FNBP1L: variants seen among roughly 807,000 people sequenced by gnomAD.
FNBP1L encodes the protein formin-binding protein 1-like.
Under a neutral mutation model 91.2 loss-of-function variants are expected in FNBP1L, and 36 were observed. That is an observed-to-expected ratio of 0.39 (90% CI 0.30 to 0.52). The LOEUF (loss-of-function observed/expected upper bound fraction) is 0.52. Among genes scored for constraint, FNBP1L ranks in the 20% least tolerant of loss-of-function variants. The pLI, the probability that FNBP1L is intolerant of heterozygous loss-of-function variation, is 0.66. For missense variants in FNBP1L, 571 were observed against 732.1 expected, an observed-to-expected ratio of 0.78 and a Z score of 2.54; for synonymous variants, 242 against 237.0, an observed-to-expected ratio of 1.02 and a Z score of -0.19.
chr1:93,472,323 C>T (rs72961373), intron 1 of FNBP1L, among the ~76,000 whole-genome samples: 4,278 of 152,214 alleles, frequency 0.028, 187 homozygotes, highest in African/African-American at 0.095. Context: ...AATACTTAAG[C>T]AGTGCATTTC....
chr1:93,455,678 G>A (rs1466871292), intron 1 of FNBP1L, among the ~76,000 whole-genome samples: 1 of 152,184 alleles, frequency 6.6e-6, no homozygotes. Context: ...AGTTTCATGA[G>A]CTGATTTATG....
intron 2 of FNBP1L, among the ~76,000 whole-genome samples, chr1:93,507,386 A>G (rs1007186397): frequency 2.6e-5 from 4 of 152,168 alleles, no homozygotes; most frequent in Non-Finnish European, 4.4e-5. Context: ...AGTAACATTA[A>G]GGGCAGATTT....
In FNBP1L at chr1:93,448,257, C is replaced by T. The variant is rs1348843204; in HGVS notation, c.-25C>T. ...CCGACAGACTGAAGGACAGCGGCACCGCCAGACGGCCAGAAAGTTCCGCCA... is the reference window on the plus strand; with the variant it reads ...CCGACAGACTGAAGGACAGCGGCACTGCCAGACGGCCAGAAAGTTCCGCCA... On this transcript the variant is annotated 5_prime_UTR_variant, in exon 1 of 17. Transcript: ENST00000271234. 5.3e-6 allele frequency: 8 copies of T among 1,520,090 alleles called. No homozygotes were observed. The African/African-American group carries it at 8.7e-5, about 17-fold the overall frequency. 94.2% of individuals were successfully genotyped at this position (1,520,090 alleles called of 1,614,324 possible).
chr1:93,526,666 G>A (rs1284795040), intron 5 of FNBP1L, among the ~76,000 whole-genome samples: 1 of 152,136 alleles, frequency 6.6e-6, no homozygotes, highest in Non-Finnish European at 1.5e-5. Context: ...GAGTAGGGGA[G>A]TAGAAGTGGC....
intron 1 of FNBP1L, among the ~76,000 whole-genome samples, chr1:93,467,854 A>G (rs1202799562): frequency 5.3e-5 from 8 of 152,106 alleles, no homozygotes; most frequent in Non-Finnish European, 1.2e-4. Flanking sequence ...TGAGAGGATC[A>G]CTTGAGTTCA....
intron 1 of FNBP1L, among the ~76,000 whole-genome samples, chr1:93,454,959 C>T (rs1668609797): frequency 2.0e-5 from 3 of 152,132 alleles, no homozygotes; most frequent in South Asian, 2.1e-4. Context: ...GACGGAGTCT[C>T]GCTCTGTCGC....
intron 9 of FNBP1L, among the ~76,000 whole-genome samples, chr1:93,535,669 A>C (rs2101762960): frequency 6.6e-6 from 1 of 152,232 alleles, no homozygotes; most frequent in African/African-American, 2.4e-5. Flanking sequence ...TCATTATAAT[A>C]TACCTGTATC....
rs757743473 is a variant in FNBP1L at position 93,544,057 on chromosome 1, A to G, written c.1165-50A>G. 1.7e-5 allele frequency: 23 copies of G among 1,363,386 alleles called. No homozygotes were observed. The East Asian group carries it at 4.9e-4, about 29-fold the overall frequency. The allele number at this position is 1,363,386 out of a possible 1,614,324, so 84.5% of individuals were successfully genotyped here. A position where few individuals can be genotyped will look rare whatever the true frequency, so the allele number is the denominator to read the frequency against. ...ATTTTATAGCAGGTATATTTTAAAA[A>G]TAAAATTTCCCGAAAATGTCTATTA... On this transcript the variant is annotated intron_variant, in intron 11 of 16. Coordinates refer to ENST00000271234, the MANE Select transcript of FNBP1L (RefSeq NM_001164473.3).
At chr1:93,517,664 T>C (rs1570835632) in intron 2 of FNBP1L, among the ~76,000 whole-genome samples, 1 of 152,260 alleles carries the variant, frequency 6.6e-6, no homozygotes, top group Admixed American at 6.5e-5. Flanking sequence ...AAATAGGTAG[T>C]GGGACATAGT....
intron 11 of FNBP1L, among the ~76,000 whole-genome samples, chr1:93,542,308 G>A (rs1329651721): frequency 6.6e-6 from 1 of 151,774 alleles, no homozygotes; most frequent in African/African-American, 2.4e-5. Flanking sequence ...CAACTCCAAA[G>A]TAGATTAAAT....
At chr1:93,526,721 T>C (rs957058835) in intron 5 of FNBP1L, among the ~76,000 whole-genome samples, 6 of 152,154 alleles carry the variant, frequency 3.9e-5, no homozygotes, top group Non-Finnish European at 8.8e-5. Flanking sequence ...AAACAATCTT[T>C]TCTGGAGTAT....
chr1:93,503,377 G>T (rs1019606080), intron 2 of FNBP1L, among the ~76,000 whole-genome samples: 1 of 152,058 alleles, frequency 6.6e-6, no homozygotes, highest in African/African-American at 2.4e-5. Flanking sequence ...TGGGGATTAT[G>T]GGAACTGTAA....
At chr1:93,511,479 C>T (rs532473903) in intron 2 of FNBP1L, among the ~76,000 whole-genome samples, 1 of 152,282 alleles carries the variant, frequency 6.6e-6, no homozygotes, top group Non-Finnish European at 1.5e-5. Context: ...AAGGAACAAC[C>T]AGTACCAGCT....
At chr1:93,515,980 A>T (rs1671091029) in intron 2 of FNBP1L, among the ~76,000 whole-genome samples, 1 of 152,228 alleles carries the variant, frequency 6.6e-6, no homozygotes, top group African/African-American at 2.4e-5. Flanking sequence ...TATGAGTCTC[A>T]TCATCTGATA....
intron 14 of FNBP1L, among the ~76,000 whole-genome samples, chr1:93,548,263 G>A (rs1474706325): frequency 6.6e-6 from 1 of 152,124 alleles, no homozygotes; most frequent in Non-Finnish European, 1.5e-5. Flanking sequence ...TCTTTGGCAT[G>A]TGTTATTTCT....
At chr1:93,471,525 C>G (rs1009325028) in intron 1 of FNBP1L, among the ~76,000 whole-genome samples, 3 of 152,168 alleles carry the variant, frequency 2.0e-5, no homozygotes, top group Admixed American at 2.0e-4. Flanking sequence ...GACCCTGTTT[C>G]CACAAAAAAT....
chr1:93,473,454 G>T (rs1203575286), intron 1 of FNBP1L, among the ~76,000 whole-genome samples: 3 of 152,068 alleles, frequency 2.0e-5, no homozygotes, highest in Non-Finnish European at 1.5e-5. Context: ...ATCTAGATTT[G>T]TGTGACTCCA....
chr1:93,530,981 A>G (rs1671657791), intron 7 of FNBP1L, 98 bp downstream of exon 7: 2 of 986,292 alleles, frequency 2.0e-6, no homozygotes, highest in Non-Finnish European at 2.9e-6. Flanking sequence ...TAGATTCACT[A>G]GACATCAGGG....
At chr1:93,542,740 A>C (rs898829891) in intron 11 of FNBP1L, among the ~76,000 whole-genome samples, 2 of 151,290 alleles carry the variant, frequency 1.3e-5, no homozygotes, top group Non-Finnish European at 2.9e-5. Context: ...CACTTTAACA[A>C]ATTTGAATAT....
Sources: gnomAD v4.1 joint callset for allele counts (sites outside exome capture counted in the v4.1 genomes callset) on GRCh38, gnomAD v4.1.1 for gene constraint, MANE v1.5 for transcripts, NCBI Gene and HGNC (gene_info 2026-07-23, HGNC 2026-07-21) for gene names.